ZC3H6: variants seen among roughly 807,000 people sequenced by gnomAD.
The protein encoded by ZC3H6 is zinc finger CCCH domain-containing protein 6.
In ZC3H6, 40 loss-of-function variants were observed where a neutral mutation model predicts 107.7. The observed-to-expected ratio is 0.37, with a 90% CI of 0.29 to 0.48. ZC3H6 has a LOEUF of 0.48. ZC3H6 is among the 20% of genes least tolerant of loss of function. The pLI is 0.98. For missense variants in ZC3H6, 1,267 were observed against 1,410.4 expected (o/e 0.90, Z 1.63); for synonymous variants, 493 against 487.9 (o/e 1.01, Z -0.14).
intron 1 of ZC3H6, among the ~76,000 whole-genome samples, chr2:112,277,077 T>C (rs1452137923): frequency 6.6e-6 from 1 of 152,074 alleles, no homozygotes; most frequent in African/African-American, 2.4e-5. Context: ...GAAGCAAAAA[T>C]CACAAACACT....
rs867053898 is a variant in ZC3H6 at position 112,331,347 on chromosome 2, C to T, written c.2429C>T (p.Ala810Val). Residue 810 changes from alanine (A) to valine (V), a missense_variant, in exon 12 of 12, where the codon GCA becomes GTA. By Grantham distance (64) the Ala-to-Val change is moderately conservative. This residue lies in a region of ZC3H6 where 925 missense variants were observed against 1,025.7 expected (regional missense o/e 0.90). Transcript: ENST00000409871. ...VGGAKFDLHHANAGTNVKHKR... is the reference protein window; with the variant it reads ...VGGAKFDLHHVNAGTNVKHKR... ...GGAGCAAAGTTTGATTTGCATCATG[C>T]AAATGCTGGCACTAATGTCAAACAC... The T allele has an allele frequency of 1.9e-6, 3 of 1,613,566 alleles. No individual in the cohort carries two copies. The African/African-American group carries it at 4.0e-5, about 22-fold the overall frequency.
At chr2:112,326,375 C>G (rs1676906656) in intron 11 of ZC3H6, among the ~76,000 whole-genome samples, 1 of 152,136 alleles carries the variant, frequency 6.6e-6, no homozygotes, top group African/African-American at 2.4e-5. Flanking sequence ...GCTACCCTTC[C>G]CAGTCTCTGG....
intron 9 of ZC3H6, among the ~76,000 whole-genome samples, chr2:112,323,350 C>T (rs1308552373): frequency 1.3e-5 from 2 of 152,178 alleles, no homozygotes; most frequent in Non-Finnish European, 1.5e-5. Context: ...AGTCCCCAAG[C>T]GTCTGTGCAC....
At position 112,339,478 on chromosome 2, in the gene ZC3H6, G is replaced by C. The variant is rs956965268; in HGVS notation, c.*6990G>C. ...CCCCATCCACCCAGAATTCAGAAAG[G>C]GTTTGGCATAGATCCAGGGCTCCAG... On this transcript the variant is annotated 3_prime_UTR_variant, in exon 12 of 12. Coordinates refer to ENST00000409871, the MANE Select transcript of ZC3H6 (RefSeq NM_198581.3). 1 of 152,046 alleles carries C rather than the reference G, an allele frequency of 6.6e-6. No individual in the cohort carries two copies. The highest frequency in any genetic ancestry group is 1.9e-4 in the East Asian group (1 of 5,176). The allele number at this position is 152,046 out of a possible 1,614,324, so 9.4% of individuals were successfully genotyped here.
intron 1 of ZC3H6, among the ~76,000 whole-genome samples, chr2:112,288,237 T>G (rs1686646923): frequency 6.6e-6 from 1 of 152,166 alleles, no homozygotes; most frequent in East Asian, 1.9e-4. Context: ...TTCCAGATAA[T>G]TTTTCATTGG....
intron 5 of ZC3H6, among the ~76,000 whole-genome samples, chr2:112,314,580 G>A (rs1676657486): frequency 6.6e-6 from 1 of 152,050 alleles, no homozygotes; most frequent in Non-Finnish European, 1.5e-5. Context: ...GTGTGTGTGT[G>A]ATTACCTAAT....
chr2:112,318,396 T>C (rs992830186), intron 7 of ZC3H6, among the ~76,000 whole-genome samples: 3 of 152,228 alleles, frequency 2.0e-5, no homozygotes, highest in African/African-American at 7.2e-5. Context: ...TTATGTGTAA[T>C]TTATATCACT....
chr2:112,293,163 A>G (rs1676154206), intron 1 of ZC3H6, among the ~76,000 whole-genome samples: 1 of 152,198 alleles, frequency 6.6e-6, no homozygotes, highest in African/African-American at 2.4e-5. Context: ...TTCAGCAAAA[A>G]TTCCAAAGGT....
chr2:112,286,853 A>G (rs1686619615), intron 1 of ZC3H6, among the ~76,000 whole-genome samples: 1 of 152,224 alleles, frequency 6.6e-6, no homozygotes, highest in Non-Finnish European at 1.5e-5. Flanking sequence ...GAATTGGAGA[A>G]GCATACTTTG....
chr2:112,287,673 C>T (rs1429958598), intron 1 of ZC3H6, among the ~76,000 whole-genome samples: 6 of 152,180 alleles, frequency 3.9e-5, no homozygotes, highest in Non-Finnish European at 8.8e-5. Flanking sequence ...ACGATCTCAG[C>T]TCACTGCAAG....
At chr2:112,323,658 T>C (rs147703210) in intron 9 of ZC3H6, among the ~76,000 whole-genome samples, 2 of 152,208 alleles carry the variant, frequency 1.3e-5, no homozygotes, top group Non-Finnish European at 2.9e-5. Context: ...GACAAAACTA[T>C]TGGAAATAAT....
At chr2:112,293,935 C>CT (rs1165448730) in intron 1 of ZC3H6, among the ~76,000 whole-genome samples, 1 of 152,152 alleles carries the variant, frequency 6.6e-6, no homozygotes, top group African/African-American at 2.4e-5. Flanking sequence ...GGCACTCTGG[C>CT]TGAGGAACAG....
chr2:112,292,900 C>T (rs542389805), intron 1 of ZC3H6, among the ~76,000 whole-genome samples: 14 of 152,196 alleles, frequency 9.2e-5, no homozygotes, highest in South Asian at 4.1e-4. Context: ...TCCTGGAAGA[C>T]GTGAGAAGTC....
chr2:112,339,530 A>G lies in ZC3H6; in HGVS notation c.*7042A>G, dbSNP rs1489498405. ...GCCCAGGTCATTTTGTTATTAGTCT[A>G]GGGCTTTTGTCCTCCACAGTCTAGG... On this transcript the variant is annotated 3_prime_UTR_variant, in exon 12 of 12. Coordinates refer to ENST00000409871, the MANE Select transcript of ZC3H6 (RefSeq NM_198581.3). 1 of 152,076 alleles carries G rather than the reference A, an allele frequency of 6.6e-6. No homozygotes were observed. The highest frequency in any genetic ancestry group is 6.6e-5 in the Admixed American group (1 of 15,248). 9.4% of individuals were successfully genotyped at this position (152,076 alleles called of 1,614,324 possible). A position where few individuals can be genotyped will look rare whatever the true frequency, so the allele number is the denominator to read the frequency against.
intron 7 of ZC3H6, among the ~76,000 whole-genome samples, chr2:112,320,161 G>A (rs1054948215): frequency 3.9e-5 from 6 of 152,258 alleles, no homozygotes; most frequent in South Asian, 2.1e-4. Context: ...TCAATCTCCC[G>A]ACCTCAGGTG....
intron 5 of ZC3H6, among the ~76,000 whole-genome samples, chr2:112,314,334 T>TAA (rs1355438962): frequency 6.6e-6 from 1 of 152,184 alleles, no homozygotes; most frequent in South Asian, 2.1e-4. Flanking sequence ...ATTTATTTGT[T>TAA]AAAGTTGCTT....
chr2:112,311,856 G>A lies in ZC3H6; in HGVS notation c.666G>A (p.Pro222=), dbSNP rs529964785. Reference sequence around the variant, plus strand: ...ATGTTGGTCGTGGACGTGGCTTGCCGAAGAAAATCAAACGAAAAGAACGTG... The same window carrying A: ...ATGTTGGTCGTGGACGTGGCTTGCCAAAGAAAATCAAACGAAAAGAACGTG... ...SFNVGRGRGL[P]KKIKRKERGG... Residue 222 remains proline (P), a synonymous_variant, in exon 5 of 12, where the codon CCG becomes CCA. Coordinates refer to ENST00000409871, the MANE Select transcript of ZC3H6 (RefSeq NM_198581.3). The A allele has an allele frequency of 2.7e-5, 43 of 1,613,362 alleles. No individual in the cohort carries two copies. The highest frequency in any genetic ancestry group is 1.2e-4 in the African/African-American group (9 of 75,016).
intron 1 of ZC3H6, chr2:112,286,350 A>G (rs768679780): frequency 3.2e-5 from 7 of 219,810 alleles, no homozygotes; most frequent in South Asian, 6.5e-5. Flanking sequence ...CTGGGTTTCC[A>G]AAAATATGTC....
intron 7 of ZC3H6, among the ~76,000 whole-genome samples, chr2:112,319,219 TG>T (rs1387095837): frequency 6.6e-6 from 1 of 152,204 alleles, no homozygotes; most frequent in Non-Finnish European, 1.5e-5. Context: ...AAAGTATTCC[TG>T]GCCAGGCATG....
Sources: allele counts gnomAD v4.1 joint callset (sites outside exome capture counted in the v4.1 genomes callset), GRCh38; gene constraint gnomAD v4.1.1; regional missense constraint gnomAD v4.1.1; transcripts MANE v1.5; gene names NCBI Gene and HGNC (gene_info 2026-07-23, HGNC 2026-07-21).